MACROD2: variants seen among roughly 807,000 people sequenced by gnomAD.
MACROD2 encodes mono-ADP ribosylhydrolase 2.
MACROD2 carries 36 observed loss-of-function variants against 70.4 expected under a neutral mutation model. The observed-to-expected ratio is 0.51, with a 90% CI of 0.39 to 0.68. MACROD2 has a LOEUF of 0.68. MACROD2 is among the 30% of genes least tolerant of loss of function. The pLI is 0.00. For missense variants in MACROD2, 496 were observed against 538.4 expected, an observed-to-expected ratio of 0.92 and a Z score of 0.78; for synonymous variants, 172 against 178.8, an observed-to-expected ratio of 0.96 and a Z score of 0.30.
At chr20:14,690,147 C>T (rs1299813939) in intron 5 of MACROD2, among the ~76,000 whole-genome samples, 1 of 151,994 alleles carries the variant, frequency 6.6e-6, no homozygotes, top group African/African-American at 2.4e-5. Context: ...GCTCACATGT[C>T]TATTTTATTT....
At chr20:14,715,557 C>A (rs775836092) in intron 5 of MACROD2, among the ~76,000 whole-genome samples, 1 of 152,162 alleles carries the variant, frequency 6.6e-6, no homozygotes, top group Admixed American at 6.5e-5. Context: ...GTGCTTCCAA[C>A]CTAAATGCAG....
intron 6 of MACROD2, among the ~76,000 whole-genome samples, chr20:15,297,979 C>A (rs539356702): frequency 6.6e-6 from 1 of 152,272 alleles, no homozygotes; most frequent in South Asian, 2.1e-4. Context: ...TGGATGTTCT[C>A]CAAACAAATT....
At chr20:15,817,007 T>A (rs1228168594) in intron 8 of MACROD2, among the ~76,000 whole-genome samples, 1 of 152,184 alleles carries the variant, frequency 6.6e-6, no homozygotes, top group Non-Finnish European at 1.5e-5. Flanking sequence ...CGTTACCTGA[T>A]CTCATGGAGT....
At chr20:15,654,023 C>G (rs1210287667) in intron 8 of MACROD2, among the ~76,000 whole-genome samples, 2 of 148,194 alleles carry the variant, frequency 1.3e-5, no homozygotes, top group Non-Finnish European at 3.0e-5. Context: ...GGATAAGCAT[C>G]CCATTCCAGC....
intron 8 of MACROD2, among the ~76,000 whole-genome samples, chr20:15,748,546 G>T (rs1036224210): frequency 6.6e-6 from 1 of 152,032 alleles, no homozygotes; most frequent in Admixed American, 6.6e-5. Flanking sequence ...TCAAAAGGAA[G>T]TGTTTCTTAT....
At chr20:14,444,184 T>C (rs186996628) in intron 3 of MACROD2, among the ~76,000 whole-genome samples, 1 of 152,214 alleles carries the variant, frequency 6.6e-6, no homozygotes, top group Non-Finnish European at 1.5e-5. Flanking sequence ...GGATAAATCA[T>C]TTATAACCTT....
intron 4 of MACROD2, among the ~76,000 whole-genome samples, chr20:14,585,427 AG>A (rs755042096): frequency 6.6e-6 from 1 of 152,114 alleles, no homozygotes; most frequent in African/African-American, 2.4e-5. Flanking sequence ...GTTCTTACTA[AG>A]GGTTTCTGAG....
intron 5 of MACROD2, among the ~76,000 whole-genome samples, chr20:14,873,751 C>T (rs779130780): frequency 3.3e-5 from 5 of 151,938 alleles, no homozygotes; most frequent in Non-Finnish European, 7.4e-5. Context: ...CCCAGCTACT[C>T]AGGAGGCTGA....
intron 10 of MACROD2, among the ~76,000 whole-genome samples, chr20:15,926,721 A>C (rs141120947): frequency 0.019 from 2,898 of 152,286 alleles, 91 homozygotes; most frequent in South Asian, 0.11. Flanking sequence ...AGGCCTGGGG[A>C]GAGGAGACTC....
At chr20:14,187,325 C>G (rs943994712) in intron 3 of MACROD2, among the ~76,000 whole-genome samples, 1 of 151,888 alleles carries the variant, frequency 6.6e-6, no homozygotes, top group Non-Finnish European at 1.5e-5. Flanking sequence ...ACCACTGATA[C>G]GTGAGGATTT....
intron 6 of MACROD2, among the ~76,000 whole-genome samples, chr20:15,406,370 C>A (rs951148859): frequency 1.3e-5 from 2 of 152,198 alleles, no homozygotes; most frequent in Non-Finnish European, 2.9e-5. Flanking sequence ...CAACCCTTGA[C>A]CTCCTGGCCC....
intron 3 of MACROD2, chr20:14,327,566 G>T (rs937468423): frequency 1.3e-5 from 20 of 1,510,754 alleles, no homozygotes; most frequent in Non-Finnish European, 1.8e-5. Context: ...ACCCTAAAAT[G>T]AAGTGAGTAA....
chr20:14,239,991 G>A (rs973388705), intron 3 of MACROD2, among the ~76,000 whole-genome samples: 5 of 151,962 alleles, frequency 3.3e-5, no homozygotes, highest in South Asian at 2.1e-4. Context: ...ACAAGCAAAT[G>A]AACCCCAAAC....
chr20:14,275,708 G>T (rs1311090084), intron 3 of MACROD2, among the ~76,000 whole-genome samples: 2 of 152,088 alleles, frequency 1.3e-5, no homozygotes, highest in African/African-American at 4.8e-5. Context: ...TACAGAATGG[G>T]AGAAAATTTT....
At chr20:15,145,744 T>C (rs554872108) in intron 5 of MACROD2, among the ~76,000 whole-genome samples, 1 of 152,206 alleles carries the variant, frequency 6.6e-6, no homozygotes, top group African/African-American at 2.4e-5. Context: ...TAAGAAATGA[T>C]TTTTAATTTA....
chr20:15,889,385 GTTA>G (rs899316154), intron 10 of MACROD2, among the ~76,000 whole-genome samples: 24 of 152,302 alleles, frequency 1.6e-4, no homozygotes, highest in African/African-American at 5.8e-4. Context: ...GGCAGGAACT[GTTA>G]TTATTGAGGC....
At chr20:14,789,460 A>ATTTTTTTTTTTTTTTTTTTTTTTTTT in intron 5 of MACROD2, among the ~76,000 whole-genome samples, 1 of 48,360 alleles carries the variant, frequency 2.1e-5, no homozygotes, top group Non-Finnish European at 3.6e-5. Flanking sequence ...GGTAGTGCAA[A>ATTTTTTTTTTTTTTTTTTTTTTTTTT]TTTTTTTTTT....
intron 5 of MACROD2, chr20:15,196,877 C>T: frequency 2.0e-6 from 2 of 985,356 alleles, no homozygotes; most frequent in Non-Finnish European, 2.4e-6. Flanking sequence ...AAGCAGATGA[C>T]AGGCTCAGGC....
intron 6 of MACROD2, among the ~76,000 whole-genome samples, chr20:15,393,495 G>A (rs1209030349): frequency 6.6e-6 from 1 of 151,916 alleles, no homozygotes; most frequent in African/African-American, 2.4e-5. Context: ...TTCTGTTTGT[G>A]CAATCCATCT....
Sources: gnomAD v4.1 joint callset for allele counts (sites outside exome capture counted in the v4.1 genomes callset) on GRCh38, gnomAD v4.1.1 for gene constraint, MANE v1.5 for transcripts, NCBI Gene and HGNC (gene_info 2026-07-23, HGNC 2026-07-21) for gene names.